SUPT3H: variants seen among roughly 807,000 people sequenced by gnomAD.
SUPT3H encodes the protein transcription initiation protein SPT3 homolog.
In SUPT3H, 44 loss-of-function variants were observed where a neutral mutation model predicts 44.3. The observed-to-expected ratio is 0.99, with a 90% CI of 0.78 to 1.28. SUPT3H has a LOEUF of 1.28. SUPT3H is among the 50% of genes most tolerant of loss of function. The pLI is 0.00. For missense variants in SUPT3H, 380 were observed against 387.1 expected, an observed-to-expected ratio of 0.98 and a Z score of 0.15; for synonymous variants, 124 against 125.6, an observed-to-expected ratio of 0.99 and a Z score of 0.09.
At chr6:45,305,625 C>G (rs1782872895) in intron 2 of SUPT3H, among the ~76,000 whole-genome samples, 1 of 152,152 alleles carries the variant, frequency 6.6e-6, no homozygotes, top group Non-Finnish European at 1.5e-5. Context: ...CTAATATACA[C>G]TATATACCAC....
At chr6:44,887,365 G>GA (rs1762490420) in intron 10 of SUPT3H, among the ~76,000 whole-genome samples, 1 of 152,118 alleles carries the variant, frequency 6.6e-6, no homozygotes, top group East Asian at 1.9e-4. Flanking sequence ...CACACGGTTG[G>GA]AAATAAAGCT....
chr6:44,929,300 AAGC>A (rs1770158686), intron 10 of SUPT3H, among the ~76,000 whole-genome samples: 1 of 152,172 alleles, frequency 6.6e-6, no homozygotes, highest in Non-Finnish European at 1.5e-5. Flanking sequence ...GACTCGCTAA[AAGC>A]AGATTTTTAA....
chr6:45,027,416 T>C (rs1786205179), intron 3 of SUPT3H, among the ~76,000 whole-genome samples: 2 of 152,220 alleles, frequency 1.3e-5, no homozygotes, highest in African/African-American at 2.4e-5. Flanking sequence ...ATAGTTATGA[T>C]AGCTGCTTTA....
intron 2 of SUPT3H, among the ~76,000 whole-genome samples, chr6:45,270,642 T>C (rs1272645424): frequency 6.6e-6 from 1 of 152,134 alleles, no homozygotes; most frequent in Non-Finnish European, 1.5e-5. Flanking sequence ...CAGTCTGGAG[T>C]ATGTCCTTAT....
chr6:45,329,207 T>C (rs898620919), intron 2 of SUPT3H, among the ~76,000 whole-genome samples: 1 of 151,964 alleles, frequency 6.6e-6, no homozygotes, highest in Non-Finnish European at 1.5e-5. Flanking sequence ...TTTTACAAAA[T>C]AACAGACCAC....
At chr6:45,371,459 T>A (rs1417439956) in intron 1 of SUPT3H, among the ~76,000 whole-genome samples, 1 of 151,118 alleles carries the variant, frequency 6.6e-6, no homozygotes, top group African/African-American at 2.4e-5. Context: ...ATGAGGAAAC[T>A]AAGACTGGCT....
At position 45,194,890 on chromosome 6, in the gene SUPT3H, C is replaced by T. The variant is rs539330025; in HGVS notation, c.102-88884G>A. Among the ~76,000 whole-genome samples the T allele has an allele frequency of 1.3e-4, 20 of 152,194 alleles. No individual in the cohort carries two copies. In the South Asian group the frequency reaches 3.7e-3, roughly 28 times the overall value. On this transcript the variant is annotated intron_variant, in intron 2 of 10. Transcript: ENST00000371459. ...ATTCCAAAAGAAGCTGACTACTATACTTTAGACAAATTTATCTGTTTCTAG... is the reference window on the plus strand; with the variant it reads ...ATTCCAAAAGAAGCTGACTACTATATTTTAGACAAATTTATCTGTTTCTAG...
chr6:44,834,395 T>TATC (rs1022890349), intron 10 of SUPT3H, among the ~76,000 whole-genome samples: 11 of 152,302 alleles, frequency 7.2e-5, no homozygotes, highest in African/African-American at 2.6e-4. Context: ...CACTTTAGGT[T>TATC]ATCTGTAGAT....
intron 2 of SUPT3H, among the ~76,000 whole-genome samples, chr6:45,133,264 C>A (rs1803758743): frequency 1.3e-5 from 2 of 152,186 alleles, no homozygotes; most frequent in Admixed American, 6.5e-5. Flanking sequence ...CTCCAACCAA[C>A]ATACTTAGTT....
At chr6:45,361,830 C>T (rs1397928013) in intron 2 of SUPT3H, 1 of 152,342 alleles carries the variant, frequency 6.6e-6, no homozygotes, top group African/African-American at 2.4e-5. Flanking sequence ...GCAGGTGGAT[C>T]ACTTGAGGTC....
chr6:45,176,159 G>A (rs1462332950), intron 2 of SUPT3H, among the ~76,000 whole-genome samples: 1 of 151,856 alleles, frequency 6.6e-6, no homozygotes, highest in South Asian at 2.1e-4. Context: ...TTCCATCTGA[G>A]GTACTGGGTT....
intron 3 of SUPT3H, among the ~76,000 whole-genome samples, chr6:45,062,027 T>A (rs1792176160): frequency 6.6e-6 from 1 of 151,728 alleles, no homozygotes; most frequent in Non-Finnish European, 1.5e-5. Flanking sequence ...ATCCAAATTT[T>A]CTTGATATTA....
At chr6:45,035,329 A>G (rs2153526755) in intron 3 of SUPT3H, among the ~76,000 whole-genome samples, 1 of 152,250 alleles carries the variant, frequency 6.6e-6, no homozygotes, top group South Asian at 2.1e-4. Flanking sequence ...CCTGCACTTC[A>G]GGAGTGTGTA....
intron 2 of SUPT3H, chr6:45,328,907 T>C: frequency 1.9e-6 from 2 of 1,030,340 alleles, no homozygotes; most frequent in South Asian, 1.4e-5. Context: ...TGCTATCTTG[T>C]TGCATTAAGA....
At chr6:45,240,862 A>C (rs922333140) in intron 2 of SUPT3H, among the ~76,000 whole-genome samples, 5 of 152,214 alleles carry the variant, frequency 3.3e-5, no homozygotes, top group African/African-American at 1.2e-4. Flanking sequence ...AATGGAAAGA[A>C]TAAAAAAACA....
intron 2 of SUPT3H, among the ~76,000 whole-genome samples, chr6:45,130,916 C>T (rs1803377715): frequency 6.6e-6 from 1 of 151,432 alleles, no homozygotes; most frequent in Non-Finnish European, 1.5e-5. Flanking sequence ...GGGGTTTCTG[C>T]ATGTTGGTCA....
intron 10 of SUPT3H, among the ~76,000 whole-genome samples, chr6:44,912,330 G>C (rs1767178690): frequency 6.6e-6 from 1 of 152,088 alleles, no homozygotes; most frequent in African/African-American, 2.4e-5. Flanking sequence ...GGATCATACA[G>C]TATTTGTCCT....
chr6:44,887,392 A>G (rs1205898624), intron 10 of SUPT3H, among the ~76,000 whole-genome samples: 2 of 152,214 alleles, frequency 1.3e-5, no homozygotes, highest in Non-Finnish European at 2.9e-5. Flanking sequence ...AGCAAATGTA[A>G]AAGAACAGAA....
intron 3 of SUPT3H, among the ~76,000 whole-genome samples, chr6:45,068,134 T>C (rs1220987530): frequency 6.7e-6 from 1 of 149,428 alleles, no homozygotes; most frequent in African/African-American, 2.5e-5. Context: ...TATGCAGCCA[T>C]AAAAAATGAT....
Sources: gnomAD v4.1 joint callset for allele counts (sites outside exome capture counted in the v4.1 genomes callset) on GRCh38, gnomAD v4.1.1 for gene constraint, MANE v1.5 for transcripts, NCBI Gene and HGNC (gene_info 2026-07-23, HGNC 2026-07-21) for gene names.